CCDC134: variants seen among roughly 807,000 people sequenced by gnomAD.
CCDC134 encodes coiled-coil domain containing 134, also known as coiled-coil domain-containing protein 134.
Under a neutral mutation model 25.6 loss-of-function variants are expected in CCDC134, and 27 were observed. The ratio of observed to expected loss-of-function variants is 1.05; its 90% CI spans 0.78 to 1.45. The LOEUF is 1.45. Ranked by LOEUF, CCDC134 falls within the 40% of genes most tolerant of loss-of-function variation. The probability of loss-of-function intolerance (pLI) is 0.00; values close to 1 mark genes in which losing one functional copy is unlikely to be tolerated. For synonymous variants in CCDC134, 110 were observed against 115.0 expected (o/e 0.96, Z 0.28); for missense variants, 261 against 286.7 (o/e 0.91, Z 0.65).
At chr22:41,811,084 C>T (rs948168854) in intron 4 of CCDC134, among the ~76,000 whole-genome samples, 1 of 152,160 alleles carries the variant, frequency 6.6e-6, no homozygotes, top group Non-Finnish European at 1.5e-5. Context: ...TATCTTTCTG[C>T]GTGGCCTCTT....
At position 41,805,577 on chromosome 22, in the gene CCDC134, G is replaced by C. The variant is rs184795701; in HGVS notation, c.-16-3298G>C. On this transcript the variant is annotated intron_variant, in intron 1 of 6. Coordinates refer to ENST00000255784, the MANE Select transcript of CCDC134 (RefSeq NM_024821.5). ...AACTATAGATAGCTTAAGAGAAAAA[G>C]TTTCCTTAAATTTAGAAAACAAAAC... Among the ~76,000 whole-genome samples, 60 of 152,208 alleles carry C rather than the reference G, an allele frequency of 3.9e-4. No individual in the cohort carries two copies. In the East Asian group the frequency reaches 0.011, roughly 28 times the overall value.
At position 41,813,275 on chromosome 22, in the gene CCDC134, G is replaced by T; in HGVS notation, c.322G>T (p.Val108Leu). 6.2e-7 allele frequency: 1 copy of T among 1,614,196 alleles called. No homozygotes were observed. The highest frequency in any genetic ancestry group is 8.5e-7 in the Non-Finnish European group (1 of 1,180,038). ...DEKLKDAFSH[V>L]VENTAFFGDV... Reference sequence around the variant, plus strand: ...GGTCCTCTCGCCAGCTTTCTCCCACGTGGTGGAGAACACGGCCTTCTTCGG... The same window carrying T: ...GGTCCTCTCGCCAGCTTTCTCCCACTTGGTGGAGAACACGGCCTTCTTCGG... The change falls in exon 5 of 7, where the codon GTG becomes TTG. Residue 108 changes from valine (V) to leucine (L), a missense_variant. Coordinates refer to ENST00000255784, the MANE Select transcript of CCDC134 (RefSeq NM_024821.5).
At position 41,831,739 on chromosome 22, in the gene CCDC134, C is replaced by T. The variant is rs902507261; in HGVS notation, c.*5916C>T. ...AGTTTCATCACATCCATTACCTTTC[C>T]TTGATCACTTGTACCATCATCTGTA... On this transcript the variant is annotated 3_prime_UTR_variant, in exon 7 of 7. Transcript: ENST00000255784. 6.6e-6 allele frequency: 1 copy of T among 152,198 alleles called. No individual in the cohort carries two copies. The highest frequency in any genetic ancestry group is 2.4e-5 in the African/African-American group (1 of 41,434). 9.4% of individuals were successfully genotyped at this position (152,198 alleles called of 1,614,324 possible). A position where few individuals can be genotyped will look rare whatever the true frequency, so the allele number is the denominator to read the frequency against.
In CCDC134 at chr22:41,829,946, G is replaced by A. The variant is rs1278353059; in HGVS notation, c.*4123G>A. Among the ~76,000 whole-genome samples the A allele has an allele frequency of 6.6e-6, 1 of 152,042 alleles. No individual in the cohort carries two copies. The highest frequency in any genetic ancestry group is 1.5e-5 in the Non-Finnish European group (1 of 68,014). ...TTGCCACCATGACCAGCTAATTTTTGTATTTTCAGTAGAGATGGGTTTCAC... is the reference window on the plus strand; with the variant it reads ...TTGCCACCATGACCAGCTAATTTTTATATTTTCAGTAGAGATGGGTTTCAC... On this transcript the variant is annotated 3_prime_UTR_variant, in exon 7 of 7. Transcript: ENST00000255784.
chr22:41,803,629 A>T (rs1459142829), intron 1 of CCDC134, among the ~76,000 whole-genome samples: 1 of 151,590 alleles, frequency 6.6e-6, no homozygotes, highest in Non-Finnish European at 1.5e-5. Context: ...TTAGCCAGGC[A>T]TGGTGATGCA....
rs536134928 is a variant in CCDC134 at position 41,815,332 on chromosome 22, A to G, written c.564+1510A>G. On this transcript the variant is annotated intron_variant, in intron 6 of 6. Coordinates refer to ENST00000255784, the MANE Select transcript of CCDC134 (RefSeq NM_024821.5). ...GCCATTCTCCTGCCTCAGCCTCCCC[A>G]GTAGCTGGGACTACAGGCGCCCGCC... is the stretch of plus-strand genomic sequence containing the variant. Among the ~76,000 whole-genome samples the G allele has an allele frequency of 2.1e-5, 3 of 146,296 alleles. No homozygotes were observed. In the Admixed American group the frequency reaches 2.1e-4, roughly 10 times the overall value.
At chr22:41,815,190 T>G (rs1023675344) in intron 6 of CCDC134, among the ~76,000 whole-genome samples, 1 of 144,492 alleles carries the variant, frequency 6.9e-6, no homozygotes, top group African/African-American at 2.8e-5. Context: ...TTAACTCAAA[T>G]TTTCTTTTCT....
chr22:41,814,993 G>A (rs2076615726), intron 6 of CCDC134, among the ~76,000 whole-genome samples: 1 of 152,008 alleles, frequency 6.6e-6, no homozygotes, highest in South Asian at 2.1e-4. Context: ...TGCTCTTTGG[G>A]AAGAGACATC....
intron 6 of CCDC134, among the ~76,000 whole-genome samples, chr22:41,819,570 G>A (rs2076638736): frequency 6.6e-6 from 1 of 152,188 alleles, no homozygotes; most frequent in Non-Finnish European, 1.5e-5. Context: ...TCTCCTGGGA[G>A]TGGCATTCTA....
chr22:41,821,747 G>A (rs1277492636), intron 6 of CCDC134, among the ~76,000 whole-genome samples: 1 of 152,158 alleles, frequency 6.6e-6, no homozygotes, highest in Non-Finnish European at 1.5e-5. Context: ...GAGGAGGGGT[G>A]AGTTGTAGTG....
chr22:41,820,697 C>G (rs1405482244), intron 6 of CCDC134, among the ~76,000 whole-genome samples: 1 of 152,124 alleles, frequency 6.6e-6, no homozygotes, highest in Non-Finnish European at 1.5e-5. Flanking sequence ...GACTAGAAGA[C>G]TTTTGGCCTG....
At chr22:41,806,365 C>T (rs1276366125) in intron 1 of CCDC134, among the ~76,000 whole-genome samples, 3 of 151,918 alleles carry the variant, frequency 2.0e-5, no homozygotes, top group Non-Finnish European at 2.9e-5. Context: ...ATTACAGGCA[C>T]ATGCCTCCAC....
At chr22:41,807,652 G>A (rs951610954) in intron 1 of CCDC134, among the ~76,000 whole-genome samples, 1 of 152,190 alleles carries the variant, frequency 6.6e-6, no homozygotes, top group Admixed American at 6.5e-5. Context: ...CTTTCAAGGG[G>A]AGAAAGAGGA....
chr22:41,801,146 C>G (rs2076540863), intron 1 of CCDC134, among the ~76,000 whole-genome samples: 1 of 152,234 alleles, frequency 6.6e-6, no homozygotes, highest in Admixed American at 6.5e-5. Flanking sequence ...TTCCCACTAC[C>G]TGCTTCAGTC....
intron 4 of CCDC134, 104 bp from the exon 5 acceptor site, chr22:41,813,160 T>G: frequency 8.6e-7 from 1 of 1,164,054 alleles, no homozygotes. Context: ...CCTTCCTTGC[T>G]TGGTGGGTTT....
intron 1 of CCDC134, among the ~76,000 whole-genome samples, chr22:41,805,191 G>A (rs555526652): frequency 6.6e-6 from 1 of 152,328 alleles, no homozygotes; most frequent in African/African-American, 2.4e-5. Flanking sequence ...TTCACTGTGG[G>A]AGGCCATGGC....
intron 4 of CCDC134, among the ~76,000 whole-genome samples, chr22:41,811,863 C>T (rs1442444817): frequency 6.6e-6 from 1 of 152,124 alleles, no homozygotes; most frequent in Admixed American, 6.6e-5. Context: ...ATGCTACCGG[C>T]ATTGTTTAAA....
At chr22:41,815,204 C>CTTTTTTTT (rs869174312) in intron 6 of CCDC134, among the ~76,000 whole-genome samples, 4 of 122,136 alleles carry the variant, frequency 3.3e-5, no homozygotes, top group African/African-American at 6.8e-5. Flanking sequence ...CTTTTCTTTT[C>CTTTTTTTT]TTTTTTTTTT....
chr22:41,810,131 G>T, intron 3 of CCDC134, 76 bp from the exon 4 acceptor site: 1 of 1,593,630 alleles, frequency 6.3e-7, no homozygotes, highest in South Asian at 1.1e-5. Context: ...CTTGAAGTGG[G>T]GTTTAAATAA....
Sources: gnomAD v4.1 joint callset for allele counts (sites outside exome capture counted in the v4.1 genomes callset) on GRCh38, gnomAD v4.1.1 for gene constraint, MANE v1.5 for transcripts, NCBI Gene and HGNC (gene_info 2026-07-23, HGNC 2026-07-21) for gene names.